The following SH3BP4 variants were observed in gnomAD, a reference collection of about 807,000 sequenced individuals.
The protein encoded by SH3BP4 is SH3 domain-binding protein 4.
In SH3BP4, 33 loss-of-function variants were observed where a neutral mutation model predicts 65.5. That is an observed-to-expected ratio of 0.50 (90% confidence interval 0.38 to 0.67). The LOEUF (loss-of-function observed/expected upper bound fraction) is 0.67, where lower values mean the gene tolerates loss of function less well. Among genes scored for constraint, SH3BP4 ranks in the 30% least tolerant of loss-of-function variants. The pLI is 0.00. For missense variants in SH3BP4, 1,134 were observed against 1,261.4 expected, an observed-to-expected ratio of 0.90 and a Z score of 1.53; for synonymous variants, 552 against 545.5, an observed-to-expected ratio of 1.01 and a Z score of -0.17.
At chr2:234,989,256 C>T (rs144286958) in intron 1 of SH3BP4, among the ~76,000 whole-genome samples, 334 of 152,302 alleles carry the variant, frequency 2.2e-3, no homozygotes, top group African/African-American at 7.6e-3. Flanking sequence ...AGGATGGCGT[C>T]ACTGTGCTGC....
chr2:234,957,244 C>T (rs1265867999), intron 1 of SH3BP4, among the ~76,000 whole-genome samples: 4 of 152,110 alleles, frequency 2.6e-5, no homozygotes, highest in Admixed American at 6.5e-5. Flanking sequence ...GTCTTGAACT[C>T]CTGACCTCAG....
Position 235,033,130 on chromosome 2 carries a change from A to G in SH3BP4, c.-132-1741A>G, listed in dbSNP as rs1045868877. 6.6e-6 allele frequency among the ~76,000 whole-genome samples: 1 copy of G among 152,108 alleles called. No individual in the cohort carries two copies. Among genetic ancestry groups the G allele is most frequent in the African/African-American group, 2.4e-5 (1 of 41,440 alleles). ...TCTGCCGCTCCCCAGAGAGGTGGCC[A>G]CCATGCCCTCCTCTCCTGCCGCCTG... On this transcript the variant is annotated intron_variant, in intron 2 of 5. Transcript: ENST00000392011. This position sits in a 1 kb window ranked among gnomAD's most constrained non-coding sequence, Gnocchi z 5.7.
Position 235,053,884 on chromosome 2 carries a change from C to A in SH3BP4, c.*68C>A. 1.6e-6 allele frequency: 2 copies of A among 1,289,438 alleles called. No individual in the cohort carries two copies. Among genetic ancestry groups the A allele is most frequent in the Non-Finnish European group, 2.2e-6 (2 of 891,416 alleles). 79.9% of individuals were successfully genotyped at this position (1,289,438 alleles called of 1,614,324 possible). A position where few individuals can be genotyped will look rare whatever the true frequency, so the allele number is the denominator to read the frequency against. Reference sequence around the variant, plus strand: ...TTCTGCCCTGCGTGCCCTGCTGTCACCGCGGAGCTGAAGAGGGAGGAAGGG... The same window carrying A: ...TTCTGCCCTGCGTGCCCTGCTGTCAACGCGGAGCTGAAGAGGGAGGAAGGG... On this transcript the variant is annotated 3_prime_UTR_variant, in exon 6 of 6. Transcript: ENST00000392011.
chr2:234,985,116 C>T (rs896936811), intron 1 of SH3BP4, among the ~76,000 whole-genome samples: 11 of 152,148 alleles, frequency 7.2e-5, no homozygotes, highest in Non-Finnish European at 1.5e-4. Context: ...GCTGGGATAG[C>T]GGAGCACCTG....
chr2:235,053,327 G>A (rs1559262959), intron 5 of SH3BP4, among the ~76,000 whole-genome samples: 2 of 152,204 alleles, frequency 1.3e-5, no homozygotes, highest in Non-Finnish European at 2.9e-5. Context: ...GTGCCATAAA[G>A]ATTGTAAGGA....
chr2:235,024,413 C>A (rs532721590), intron 2 of SH3BP4, among the ~76,000 whole-genome samples: 3 of 152,126 alleles, frequency 2.0e-5, no homozygotes, highest in African/African-American at 7.2e-5. Context: ...CTTTTTGCAA[C>A]GACTGTGGCA....
intron 2 of SH3BP4, chr2:235,008,548 G>A (rs1694375135): frequency 6.6e-6 from 1 of 152,218 alleles, no homozygotes; most frequent in South Asian, 2.1e-4. Context: ...ATGCTCCTTA[G>A]GTACTTTCTA....
rs1692869631 is a variant in SH3BP4, at chr2:234,967,438, T to C, written c.-207+15268T>C. 6.6e-6 allele frequency among the ~76,000 whole-genome samples: 1 copy of C among 152,036 alleles called. No individual in the cohort carries two copies. ...GGAAGGCCCTAACACCAAGAGGGTG[T>C]GGAGCTGCGGTCTCACCACTACACC... On this transcript the variant is annotated intron_variant, in intron 1 of 5. Transcript: ENST00000392011. The surrounding 1 kb of genome is among the most constrained non-coding windows in gnomAD (Gnocchi z 4.6).
At position 235,011,660 on chromosome 2, in the gene SH3BP4, C is replaced by G. The variant is rs140592833; in HGVS notation, c.-133+16284C>G. ...GTCTTGCTTTTCTTTGTATTCCTGG[C>G]AAAGGCTCAGTACCTGTGTATTTAG... On this transcript the variant is annotated intron_variant, in intron 2 of 5. Coordinates refer to ENST00000392011, the MANE Select transcript of SH3BP4 (RefSeq NM_014521.3). Among the ~76,000 whole-genome samples the G allele has an allele frequency of 9.8e-5, 15 of 152,316 alleles. No homozygotes were observed. In the South Asian group the frequency reaches 1.7e-3, roughly 17 times the overall value.
rs1695326073 is a variant in SH3BP4, at chr2:235,034,955, G to A, written c.-48G>A. 1 of 1,504,798 alleles carries A rather than the reference G, an allele frequency of 6.6e-7. No homozygotes were observed. Among genetic ancestry groups the A allele is most frequent in the Admixed American group, 1.7e-5 (1 of 58,984 alleles). The allele number at this position is 1,504,798 out of a possible 1,614,324, so 93.2% of individuals were successfully genotyped here. On this transcript the variant is annotated 5_prime_UTR_variant, in exon 3 of 6. Transcript: ENST00000392011. The surrounding 1 kb of genome is among the most constrained non-coding windows in gnomAD (Gnocchi z 6.2). ...TCAGCATCTGCTGGGATAACTGGAGGAAGAAATATGAAGCCTTAGCGGCTT... is the reference window on the plus strand; with the variant it reads ...TCAGCATCTGCTGGGATAACTGGAGAAAGAAATATGAAGCCTTAGCGGCTT...
At chr2:234,969,971 TCTCA>T (rs1275546963) in intron 1 of SH3BP4, among the ~76,000 whole-genome samples, 2 of 148,010 alleles carry the variant, frequency 1.4e-5, no homozygotes, top group Non-Finnish European at 1.5e-5. Flanking sequence ...ACACACACAC[TCTCA>T]CACACACTCC....
intron 2 of SH3BP4, among the ~76,000 whole-genome samples, chr2:235,006,393 A>G (rs1005005968): frequency 1.3e-5 from 2 of 152,094 alleles, no homozygotes; most frequent in Admixed American, 1.3e-4. Flanking sequence ...GTGGGGTAGC[A>G]TTTTTTAGGA....
At chr2:235,018,243 T>C (rs1694749131) in intron 2 of SH3BP4, among the ~76,000 whole-genome samples, 1 of 152,252 alleles carries the variant, frequency 6.6e-6, no homozygotes, top group South Asian at 2.1e-4. Context: ...GGGTGCTTGC[T>C]GGGAGTGAGG....
In SH3BP4 at chr2:235,054,613, A is replaced by G. The variant is rs1696168753; in HGVS notation, c.*797A>G. On this transcript the variant is annotated 3_prime_UTR_variant, in exon 6 of 6. Transcript: ENST00000392011. ...TCTTTAGGGCCCCTGCCAGTGTGCAATTAGTCATTGACAAGAACAATGCCA... is the reference window on the plus strand; with the variant it reads ...TCTTTAGGGCCCCTGCCAGTGTGCAGTTAGTCATTGACAAGAACAATGCCA... 6.6e-6 allele frequency: 1 copy of G among 152,260 alleles called. No homozygotes were observed. The highest frequency in any genetic ancestry group is 2.1e-4 in the South Asian group (1 of 4,832). The allele number at this position is 152,260 out of a possible 1,614,324, so 9.4% of individuals were successfully genotyped here.
chr2:235,045,297 G>T lies in SH3BP4; in HGVS notation c.2478+2050G>T, dbSNP rs1695818096. Among the ~76,000 whole-genome samples the T allele has an allele frequency of 6.6e-6, 1 of 152,202 alleles. No individual in the cohort carries two copies. Among genetic ancestry groups the T allele is most frequent in the African/African-American group, 2.4e-5 (1 of 41,450 alleles). On this transcript the variant is annotated intron_variant, in intron 4 of 5. Transcript: ENST00000392011. The surrounding 1 kb of genome is among the most constrained non-coding windows in gnomAD (Gnocchi z 4.3). The stretch of plus-strand genomic sequence containing the variant: ...GACGTTGCACCAGAGGTGGAAAAAT[G>T]ACACAACCAGGAGTACCACACCAGC...
At chr2:235,011,919 G>A (rs190532420) in intron 2 of SH3BP4, among the ~76,000 whole-genome samples, 1 of 152,222 alleles carries the variant, frequency 6.6e-6, no homozygotes, top group East Asian at 1.9e-4. Flanking sequence ...CAGGCTCTGG[G>A]TGGGGGATGG....
At chr2:234,970,007 T>TCA (rs368919095) in intron 1 of SH3BP4, among the ~76,000 whole-genome samples, 1,894 of 150,346 alleles carry the variant, frequency 0.013, 16 homozygotes, top group African/African-American at 0.019. Flanking sequence ...ACTCGCTGTC[T>TCA]CACACACACA....
intron 4 of SH3BP4, among the ~76,000 whole-genome samples, chr2:235,044,769 G>C (rs1027368828): frequency 2.6e-5 from 4 of 152,252 alleles, no homozygotes; most frequent in African/African-American, 9.6e-5. Flanking sequence ...GGCTGCCCAT[G>C]TTGAGCCAGG....
At position 235,042,812 on chromosome 2, in the gene SH3BP4, C is replaced by G. The variant is rs774364587; in HGVS notation, c.2043C>G (p.Asp681Glu). ...NHYLLEYKKG[D>E]GIALLSEERV... The stretch of plus-strand genomic sequence containing the variant: ...ACCTGCTGGAGTACAAGAAGGGCGA[C>G]GGGATCGCCCTGCTCAGCGAGGAGC... The change falls in exon 4 of 6, where the codon GAC (aspartate) becomes GAG (glutamate). Residue 681 changes from aspartate (D) to glutamate (E), a missense_variant. By Grantham distance (45) the Asp-to-Glu change is conservative. Transcript: ENST00000392011. The surrounding 1 kb of genome is among the most constrained non-coding windows in gnomAD (Gnocchi z 7.3). 6.2e-7 allele frequency: 1 copy of G among 1,613,904 alleles called. No individual in the cohort carries two copies. Among genetic ancestry groups the G allele is most frequent in the Admixed American group, 1.7e-5 (1 of 60,002 alleles).
Sources: gnomAD v4.1 joint callset for allele counts (sites outside exome capture counted in the v4.1 genomes callset) on GRCh38, gnomAD v4.1.1 for gene constraint, Gnocchi (gnomAD v3.1) non-coding constraint, MANE v1.5 for transcripts, NCBI Gene and HGNC (gene_info 2026-07-23, HGNC 2026-07-21) for gene names.